Variants in TRMT9B observed in about 807,000 individuals in gnomAD.
TRMT9B encodes probable tRNA methyltransferase 9B.
A neutral mutation model predicts 11.5 loss-of-function variants in TRMT9B; 16 were observed. The observed-to-expected ratio is 1.39, with a 90% CI of 0.94 to 2.11. The LOEUF is 2.11. Ranked by LOEUF, TRMT9B falls within the 30% of genes most tolerant of loss-of-function variation. The pLI is 0.00. For missense variants in TRMT9B, 941 were observed against 553.8 expected, an observed-to-expected ratio of 1.70 and a Z score of -7.02; for synonymous variants, 274 against 192.4, an observed-to-expected ratio of 1.42 and a Z score of -3.51.
rs1011492996 is a variant in TRMT9B at position 12,945,979 on chromosome 8, A to G, written c.-200+13A>G. 1 of 152,114 alleles carries G rather than the reference A, an allele frequency of 6.6e-6. No homozygotes were observed. The highest frequency in any genetic ancestry group is 1.5e-5 in the Non-Finnish European group (1 of 68,030). The allele number at this position is 152,114 out of a possible 1,614,324, so 9.4% of individuals were successfully genotyped here. The stretch of plus-strand genomic sequence containing the variant: ...GTCTTCCTTCAAGGTATGTGTTGCA[A>G]TTTGGGGTTGCACATTTTAGTTGTG... On this transcript the variant is annotated intron_variant, in intron 1 of 4. Coordinates refer to ENST00000524591, the MANE Select transcript of TRMT9B (RefSeq NM_020844.3).
In TRMT9B at chr8:13,026,026, C is replaced by G. The variant is rs991212134; in HGVS notation, c.*3982C>G. 2.4e-5 allele frequency: 4 copies of G among 166,866 alleles called. No individual in the cohort carries two copies. The highest frequency in any genetic ancestry group is 9.7e-5 in the African/African-American group (4 of 41,376). 10.3% of individuals were successfully genotyped at this position (166,866 alleles called of 1,614,324 possible). ...TTTAAATTAAATTAATACATATATA[C>G]GAGTTTGGAGGAGAACAGAAGTTCT... On this transcript the variant is annotated 3_prime_UTR_variant, in exon 5 of 5. Coordinates refer to ENST00000524591, the MANE Select transcript of TRMT9B (RefSeq NM_020844.3).
chr8:12,959,641 G>A (rs1002158790), intron 1 of TRMT9B, among the ~76,000 whole-genome samples: 5 of 143,974 alleles, frequency 3.5e-5, no homozygotes, highest in South Asian at 2.3e-4. Context: ...TGCCTCAGCC[G>A]CCCAAGTAGC....
At position 13,021,874 on chromosome 8, in the gene TRMT9B, C is replaced by G; in HGVS notation, c.1195C>G (p.Gln399Glu). Residue 399 changes from glutamine (Q) to glutamate (E), a missense_variant, in exon 5 of 5, where the codon CAG (glutamine) becomes GAG (glutamate). By Grantham distance (29) the Gln-to-Glu change is conservative. Transcript: ENST00000524591. ...PDDTMSVEDP[Q>E]TDVLDSTAFM... ...TGATACAATGTCTGTCGAAGATCCA[C>G]AGACTGATGTTTTGGACTCCACAGC... 1.9e-6 allele frequency: 3 copies of G among 1,613,892 alleles called. No homozygotes were observed. Among genetic ancestry groups the G allele is most frequent in the Admixed American group, 1.7e-5 (1 of 60,012 alleles).
At chr8:12,964,361 A>G (rs545258847) in intron 1 of TRMT9B, among the ~76,000 whole-genome samples, 2 of 152,328 alleles carry the variant, frequency 1.3e-5, no homozygotes, top group South Asian at 4.1e-4. Flanking sequence ...GAAATGTGTG[A>G]TAGCCACTCA....
intron 1 of TRMT9B, chr8:12,951,885 G>C (rs1800667759): frequency 1.3e-5 from 2 of 152,292 alleles, no homozygotes; most frequent in Admixed American, 6.6e-5. Flanking sequence ...ACCCCCGACC[G>C]GGCCCAGGCG....
chr8:13,010,137 G>GA (rs77013467), intron 3 of TRMT9B: 13,000 of 462,608 alleles, frequency 0.028, no homozygotes, highest in Non-Finnish European at 0.033. Context: ...GACCCTATCT[G>GA]AAAAAAAAAA....
intron 1 of TRMT9B, among the ~76,000 whole-genome samples, chr8:12,989,765 T>G (rs965643475): frequency 3.3e-5 from 5 of 152,216 alleles, no homozygotes; most frequent in African/African-American, 4.8e-5. Context: ...CTCTTATAAT[T>G]AAGGTAGGCT....
chr8:12,998,252 G>A (rs1007514153), intron 2 of TRMT9B, among the ~76,000 whole-genome samples: 1 of 151,976 alleles, frequency 6.6e-6, no homozygotes, highest in Non-Finnish European at 1.5e-5. Flanking sequence ...TTCCTCTTAT[G>A]GTTAGCACTT....
Position 13,021,612 on chromosome 8 carries a change from G to C in TRMT9B, c.933G>C (p.Val311=), listed in dbSNP as rs752930384. 6.2e-6 allele frequency: 10 copies of C among 1,613,808 alleles called. No individual in the cohort carries two copies. In the East Asian group the frequency reaches 6.7e-5, roughly 11 times the overall value. Residue 311 remains valine (V), a synonymous_variant, in exon 5 of 5, where the codon GTG becomes GTC. Coordinates refer to ENST00000524591, the MANE Select transcript of TRMT9B (RefSeq NM_020844.3). The part of the protein sequence containing the change: ...STKGQSLDEE[V]FVESSSGKHL... ...AAGGGCAAAGTTTAGATGAGGAAGT[G>C]TTTGTGGAATCTTCTTCTGGAAAAC...
At chr8:13,002,041 G>A (rs899876536) in intron 2 of TRMT9B, among the ~76,000 whole-genome samples, 2 of 152,186 alleles carry the variant, frequency 1.3e-5, no homozygotes, top group African/African-American at 4.8e-5. Context: ...TAAATCTGCA[G>A]TGTTTATAAA....
intron 1 of TRMT9B, among the ~76,000 whole-genome samples, chr8:12,946,277 T>A (rs1279916270): frequency 6.6e-6 from 1 of 152,094 alleles, no homozygotes; most frequent in Non-Finnish European, 1.5e-5. Flanking sequence ...GCCTTGGCAA[T>A]CAGAAGAGCA....
At chr8:12,951,222 G>C (rs1453541540) in intron 1 of TRMT9B, 1 of 152,164 alleles carries the variant, frequency 6.6e-6, no homozygotes, top group Non-Finnish European at 1.5e-5. Flanking sequence ...TTGTGTAGTG[G>C]AATGATTTGG....
Position 12,988,090 on chromosome 8 carries a change from T to C in TRMT9B, c.-199-2744T>C, listed in dbSNP as rs963953000. Among the ~76,000 whole-genome samples the C allele has an allele frequency of 2.6e-5, 4 of 152,230 alleles. No homozygotes were observed. The South Asian group carries it at 8.3e-4, about 31-fold the overall frequency. On this transcript the variant is annotated intron_variant, in intron 1 of 4. Coordinates refer to ENST00000524591, the MANE Select transcript of TRMT9B (RefSeq NM_020844.3). ...TGCTGTTGTTATTCATTTATTGGCT[T>C]TGTGTCTTTCTTTTTGCATATGCTG...
At position 13,021,387 on chromosome 8, in the gene TRMT9B, A is replaced by G. The variant is rs756007249; in HGVS notation, c.708A>G (p.Glu236=). The change falls in exon 5 of 5, where the codon GAA becomes GAG. Residue 236 remains glutamate, a synonymous_variant. Transcript: ENST00000524591. The stretch of plus-strand genomic sequence containing the variant: ...ATATTTCTAAGGAAGGCGAGGAAGA[A>G]TATGGATTTTACAGCACATTAGGAA... ...FANISKEGEE[E]YGFYSTLGKS... is the part of the protein sequence containing the mutation. 3 of 1,614,070 alleles carry G rather than the reference A, an allele frequency of 1.9e-6. No homozygotes were observed. In the South Asian group the frequency reaches 3.3e-5, roughly 18 times the overall value.
intron 4 of TRMT9B, among the ~76,000 whole-genome samples, chr8:13,018,588 T>C (rs1813243069): frequency 6.6e-6 from 1 of 152,088 alleles, no homozygotes; most frequent in Non-Finnish European, 1.5e-5. Context: ...TTCTATAAAG[T>C]CTCTGTGAAC....
intron 1 of TRMT9B, among the ~76,000 whole-genome samples, chr8:12,959,727 C>T (rs558099023): frequency 6.6e-6 from 1 of 152,050 alleles, no homozygotes; most frequent in African/African-American, 2.4e-5. Flanking sequence ...CACAAAAAGG[C>T]TACTTTGCCC....
intron 1 of TRMT9B, among the ~76,000 whole-genome samples, chr8:12,964,368 C>T (rs977236696): frequency 6.6e-6 from 1 of 152,166 alleles, no homozygotes; most frequent in Non-Finnish European, 1.5e-5. Flanking sequence ...GTGATAGCCA[C>T]TCACCAGAAC....
intron 1 of TRMT9B, chr8:12,951,262 C>A (rs896153855): frequency 2.0e-5 from 3 of 152,220 alleles, no homozygotes; most frequent in Non-Finnish European, 4.4e-5. Context: ...CCTACTTAAC[C>A]CCCCCATCTC....
chr8:12,987,548 G>A (rs979753463), intron 1 of TRMT9B, among the ~76,000 whole-genome samples: 3 of 151,996 alleles, frequency 2.0e-5, no homozygotes, highest in African/African-American at 4.8e-5. Flanking sequence ...AAATTAGCAG[G>A]ATATGGTGGT....
Sources: gnomAD v4.1 joint callset for allele counts (sites outside exome capture counted in the v4.1 genomes callset) on GRCh38, gnomAD v4.1.1 for gene constraint, MANE v1.5 for transcripts, NCBI Gene and HGNC (gene_info 2026-07-23, HGNC 2026-07-21) for gene names.